VPS8: variants seen among roughly 807,000 people sequenced by gnomAD.
VPS8 encodes the protein VPS8 subunit of CORVET complex, also known as vacuolar protein sorting-associated protein 8 homolog.
In VPS8, 129 loss-of-function variants were observed where a neutral mutation model predicts 216.4. The observed-to-expected ratio is 0.60, with a 90% CI of 0.52 to 0.69. The LOEUF (loss-of-function observed/expected upper bound fraction) is 0.69. Ranked by LOEUF, VPS8 falls within the 30% of genes least tolerant of loss-of-function variation. The pLI is 0.00. For missense variants in VPS8, 1,531 were observed against 1,683.5 expected (o/e 0.91, Z 1.59); for synonymous variants, 571 against 565.4 (o/e 1.01, Z -0.14).
At chr3:184,849,895 G>A (rs1206133020) in intron 9 of VPS8, 41 bp from the exon 10 acceptor site, 1 of 1,502,496 alleles carries the variant, frequency 6.7e-7, no homozygotes, top group Non-Finnish European at 9.2e-7. Flanking sequence ...TCCAAAAAAA[G>A]AGCAATAAAT....
Position 184,834,738 on chromosome 3 carries a change from C to T in VPS8, c.443C>T (p.Ala148Val). 1 of 1,557,206 alleles carries T rather than the reference C, an allele frequency of 6.4e-7. No homozygotes were observed. Among genetic ancestry groups the T allele is most frequent in the South Asian group, 1.2e-5 (1 of 84,380 alleles). Reference sequence around the variant, plus strand: ...GGAATTTCTGCCCAGATAGTGTCTGCAGCTGTAAGTATTTTGTTCTTTTCC... The same window carrying T: ...GGAATTTCTGCCCAGATAGTGTCTGTAGCTGTAAGTATTTTGTTCTTTTCC... ...LKGISAQIVSAADKVDAGLPT... is the reference protein window; with the variant it reads ...LKGISAQIVSVADKVDAGLPT... Residue 148 changes from alanine to valine, a missense_variant, in exon 5 of 48, where the codon GCA becomes GTA. This residue lies in a region of VPS8 where 199 missense variants were observed against 182.2 expected (regional missense o/e 1.09). Coordinates refer to ENST00000625842, the MANE Select transcript of VPS8 (RefSeq NM_001009921.3).
intron 36 of VPS8, among the ~76,000 whole-genome samples, chr3:184,943,031 C>T (rs1351290939): frequency 6.6e-6 from 1 of 152,048 alleles, no homozygotes; most frequent in East Asian, 1.9e-4. Flanking sequence ...TCCTTTGAAC[C>T]CTACCTCCAC....
intron 44 of VPS8, among the ~76,000 whole-genome samples, chr3:184,999,323 T>G (rs971262062): frequency 2.6e-5 from 4 of 152,182 alleles, no homozygotes; most frequent in African/African-American, 7.2e-5. Flanking sequence ...CCTCCCAAAG[T>G]GCTGGGATTA....
intron 46 of VPS8, among the ~76,000 whole-genome samples, chr3:185,032,960 C>T (rs1372215365): frequency 6.6e-6 from 1 of 152,200 alleles, no homozygotes; most frequent in Non-Finnish European, 1.5e-5. Context: ...AGCCACCCCG[C>T]CCGGCCCCTT....
intron 46 of VPS8, among the ~76,000 whole-genome samples, chr3:185,027,010 G>A (rs1390799259): frequency 6.6e-6 from 1 of 150,602 alleles, no homozygotes; most frequent in Non-Finnish European, 1.5e-5. Context: ...CGCCCAGCCA[G>A]CTATATTTCC....
At chr3:184,983,140 T>G in intron 42 of VPS8, 46 bp downstream of exon 42, 1 of 1,448,148 alleles carries the variant, frequency 6.9e-7, no homozygotes, top group Non-Finnish European at 9.4e-7. Context: ...CAACTAACAT[T>G]TTAGTTATAT....
At position 184,859,994 on chromosome 3, in the gene VPS8, G is replaced by T. The variant is rs1725966933; in HGVS notation, c.1153G>T (p.Asp385Tyr). Residue 385 changes from aspartate (D) to tyrosine (Y), a missense_variant, in exon 15 of 48, where the codon GAT becomes TAT. Transcript: ENST00000625842. ...TTTATTTCATCATCAGGTAAAGAGA[G>T]ATGAATCTGGAGCAATACATGTTAC... is the stretch of plus-strand genomic sequence containing the variant. The part of the protein sequence containing the change: ...DVVHFLLVKR[D>Y]ESGAIHVTKQ... The T allele has an allele frequency of 1.2e-6, 2 of 1,613,066 alleles. No homozygotes were observed.
At chr3:184,900,797 AT>A (rs1300725519) in intron 24 of VPS8, 123 bp from the exon 25 acceptor site, 1 of 800,840 alleles carries the variant, frequency 1.2e-6, no homozygotes, top group East Asian at 2.7e-5. Context: ...AGGTTTTCAT[AT>A]TTAATCTTAA....
In VPS8 at chr3:184,907,436, T is replaced by C. The variant is rs143956127; in HGVS notation, c.2147-6083T>C. Among the ~76,000 whole-genome samples, 22 of 152,362 alleles carry C rather than the reference T, an allele frequency of 1.4e-4. No homozygotes were observed. The East Asian group carries it at 2.5e-3, about 17-fold the overall frequency. ...GGAGGTATGTAGCTTCTTATCTTTG[T>C]AGCTATCTTATTTAGGGATAGAATG... On this transcript the variant is annotated intron_variant, in intron 25 of 47. Transcript: ENST00000625842.
In VPS8 at chr3:184,858,304, G is replaced by A. The variant is rs565662918; in HGVS notation, c.1144-1681G>A. ...ATTTTGGGCTGCAAGAGTTACACAAGGGAACTTCAAAAAGTTTGTGGAAAA... is the reference window on the plus strand; with the variant it reads ...ATTTTGGGCTGCAAGAGTTACACAAAGGAACTTCAAAAAGTTTGTGGAAAA... On this transcript the variant is annotated intron_variant, in intron 14 of 47. Transcript: ENST00000625842. Among the ~76,000 whole-genome samples the A allele has an allele frequency of 3.3e-5, 5 of 152,140 alleles. No homozygotes were observed. In the South Asian group the frequency reaches 8.3e-4, roughly 25 times the overall value.
At chr3:184,954,996 A>AGAAGTGACCTAGAAGGCC (rs1473466680) in intron 36 of VPS8, among the ~76,000 whole-genome samples, 1 of 152,186 alleles carries the variant, frequency 6.6e-6, no homozygotes, top group Non-Finnish European at 1.5e-5. Context: ...CCTAGAAGGC[A>AGAAGTGACCTAGAAGGCC]AGAGGTGAGC....
chr3:185,050,612 C>T (rs1205196908), intron 47 of VPS8, among the ~76,000 whole-genome samples: 2 of 152,152 alleles, frequency 1.3e-5, no homozygotes, highest in African/African-American at 2.4e-5. Flanking sequence ...TGCTGGTGAC[C>T]GAGGGCAAGT....
At chr3:184,824,483 C>T in intron 1 of VPS8, 62 bp from the exon 2 acceptor site, 1 of 823,856 alleles carries the variant, frequency 1.2e-6, no homozygotes, top group African/African-American at 1.7e-5. Context: ...GTCCAATTGA[C>T]AAGGAGGAAA....
At chr3:185,018,587 A>G (rs915054978) in intron 45 of VPS8, among the ~76,000 whole-genome samples, 2 of 152,204 alleles carry the variant, frequency 1.3e-5, no homozygotes, top group Non-Finnish European at 2.9e-5. Context: ...GGAGTTAGAC[A>G]AGCTCGAATA....
chr3:185,051,740 C>CCTAAGAT, intron 47 of VPS8, 136 bp from the exon 48 acceptor site: 1 of 1,084,820 alleles, frequency 9.2e-7, no homozygotes, highest in Non-Finnish European at 1.3e-6. Context: ...GATATATGGA[C>CCTAAGAT]CTAAGATTCA....
chr3:184,923,005 A>T (rs1738920938), intron 29 of VPS8, among the ~76,000 whole-genome samples: 1 of 152,158 alleles, frequency 6.6e-6, no homozygotes, highest in African/African-American at 2.4e-5. Flanking sequence ...TGAAATACCC[A>T]CATATTCTAA....
At chr3:184,827,254 T>TCTTTTATTTTTCTTGTATGG (rs1206252447) in intron 3 of VPS8, among the ~76,000 whole-genome samples, 13 of 152,186 alleles carry the variant, frequency 8.5e-5, no homozygotes, top group African/African-American at 3.1e-4. Context: ...GTCAATTATG[T>TCTTTTATTTTTCTTGTATGG]CTTTTATTTT....
At chr3:184,880,306 A>C (rs1730051889) in intron 21 of VPS8, among the ~76,000 whole-genome samples, 1 of 152,014 alleles carries the variant, frequency 6.6e-6, no homozygotes. Flanking sequence ...AGCCACACCC[A>C]CTTCTCTTCT....
At chr3:184,959,103 T>C (rs1746079142) in intron 37 of VPS8, among the ~76,000 whole-genome samples, 1 of 152,138 alleles carries the variant, frequency 6.6e-6, no homozygotes, top group Admixed American at 6.5e-5. Context: ...AGTACCTGGG[T>C]ATACTCTTTT....
Sources: allele counts gnomAD v4.1 joint callset (sites outside exome capture counted in the v4.1 genomes callset), GRCh38; gene constraint gnomAD v4.1.1; regional missense constraint gnomAD v4.1.1; transcripts MANE v1.5; gene names NCBI Gene and HGNC (gene_info 2026-07-23, HGNC 2026-07-21).